Variants in SAR1A observed in about 807,000 individuals in gnomAD.
The protein encoded by SAR1A is secretion associated Ras related GTPase 1A.
In SAR1A, 6 loss-of-function variants were observed where a neutral mutation model predicts 22.6. The ratio of observed to expected loss-of-function variants is 0.27; its 90% confidence interval spans 0.15 to 0.52. SAR1A has a LOEUF of 0.52. Among genes scored for constraint, SAR1A ranks in the 20% least tolerant of loss-of-function variants. The probability of loss-of-function intolerance (pLI) is 0.96; values close to 1 mark genes in which losing one functional copy is unlikely to be tolerated. For missense variants in SAR1A, 145 were observed against 245.1 expected, an observed-to-expected ratio of 0.59 and a Z score of 2.73; for synonymous variants, 70 against 82.2, an observed-to-expected ratio of 0.85 and a Z score of 0.80.
intron 1 of SAR1A, among the ~76,000 whole-genome samples, chr10:70,165,041 G>A (rs568838194): frequency 3.4e-4 from 52 of 152,054 alleles, no homozygotes; most frequent in Middle Eastern, 3.4e-3. Flanking sequence ...CGAGGCGGGC[G>A]GATCACGAGG....
rs201501880 is a variant in SAR1A at position 70,152,464 on chromosome 10, A to G, written c.*12T>C. On this transcript the variant is annotated 3_prime_UTR_variant, in exon 7 of 7. Transcript: ENST00000373241. ...AGAGAAGTAAAACTCTTTTATTTTC[A>G]CCGTCCAAACATCAGTCAATATACT... The G allele has an allele frequency of 5.1e-5, 80 of 1,582,244 alleles. No homozygotes were observed. The highest frequency in any genetic ancestry group is 3.3e-4 in the Middle Eastern group (2 of 6,028).
chr10:70,166,205 T>C (rs1425546428), intron 1 of SAR1A, among the ~76,000 whole-genome samples: 1 of 152,248 alleles, frequency 6.6e-6, no homozygotes, highest in Non-Finnish European at 1.5e-5. Flanking sequence ...CTTGTTTTAT[T>C]TCAGTAGTCT....
intron 4 of SAR1A, 64 bp from the exon 5 acceptor site, chr10:70,157,931 T>C (rs2136713267): frequency 9.1e-7 from 1 of 1,104,398 alleles, no homozygotes; most frequent in Non-Finnish European, 1.4e-6. Flanking sequence ...AATAACCTAA[T>C]GGTCTATAAA....
rs1564567393 is a variant in SAR1A at position 70,148,872 on chromosome 10, C to T, written c.*3604G>A. 1 of 152,558 alleles carries T rather than the reference C, an allele frequency of 6.6e-6. No individual in the cohort carries two copies. The highest frequency in any genetic ancestry group is 2.4e-5 in the African/African-American group (1 of 41,458). 9.5% of individuals were successfully genotyped at this position (152,558 alleles called of 1,614,324 possible). On this transcript the variant is annotated 3_prime_UTR_variant, in exon 7 of 7. Coordinates refer to ENST00000373241, the MANE Select transcript of SAR1A (RefSeq NM_020150.5). ...TCAACGCTCAAGACTCCAGCATGAACTGTTAGGCATTGGGTTTTTCTGTGT... is the reference window on the plus strand; with the variant it reads ...TCAACGCTCAAGACTCCAGCATGAATTGTTAGGCATTGGGTTTTTCTGTGT...
chr10:70,166,034 G>A (rs903395595), intron 1 of SAR1A, among the ~76,000 whole-genome samples: 2 of 152,212 alleles, frequency 1.3e-5, no homozygotes, highest in Admixed American at 1.3e-4. Flanking sequence ...AGAAGGCTCC[G>A]ATGCTTGTTA....
chr10:70,154,016 G>A, intron 5 of SAR1A, 47 bp from the exon 6 acceptor site: 1 of 1,439,318 alleles, frequency 6.9e-7, no homozygotes. Flanking sequence ...AATTAAGTGA[G>A]GAATCTACAA....
Position 70,151,240 on chromosome 10 carries a change from G to A in SAR1A, c.*1236C>T, listed in dbSNP as rs772547335. On this transcript the variant is annotated 3_prime_UTR_variant, in exon 7 of 7. Transcript: ENST00000373241. ...GTTTCCCTAGCTTATTTCTGCAATG[G>A]AGAAAGACAATTTCATACCAAAAAA... 1.6e-5 allele frequency: 1 copy of A among 61,448 alleles called. No homozygotes were observed. The highest frequency in any genetic ancestry group is 3.0e-5 in the Non-Finnish European group (1 of 32,984). 3.8% of individuals were successfully genotyped at this position (61,448 alleles called of 1,614,324 possible).
Position 70,151,849 on chromosome 10 carries a change from G to C in SAR1A, c.*627C>G, listed in dbSNP as rs1233641897. 1.3e-5 allele frequency: 2 copies of C among 153,342 alleles called. No individual in the cohort carries two copies. The highest frequency in any genetic ancestry group is 2.9e-5 in the Non-Finnish European group (2 of 68,876). The allele number at this position is 153,342 out of a possible 1,614,324, so 9.5% of individuals were successfully genotyped here. A position where few individuals can be genotyped will look rare whatever the true frequency, so the allele number is the denominator to read the frequency against. On this transcript the variant is annotated 3_prime_UTR_variant, in exon 7 of 7. Coordinates refer to ENST00000373241, the MANE Select transcript of SAR1A (RefSeq NM_020150.5). Reference sequence around the variant, plus strand: ...AAACCTGCCACAACTGCAAGGCCGGGGTTCTGCCCCTTTTCTAGTTCTCTG... The same window carrying C: ...AAACCTGCCACAACTGCAAGGCCGGCGTTCTGCCCCTTTTCTAGTTCTCTG...
chr10:70,166,852 TAGTC>T (rs1347298059), intron 1 of SAR1A: 1 of 150,484 alleles, frequency 6.6e-6, no homozygotes, highest in African/African-American at 2.5e-5. Flanking sequence ...AAATTAAAAT[TAGTC>T]AGGCATGGTG....
chr10:70,157,058 G>C (rs933375415), intron 5 of SAR1A, among the ~76,000 whole-genome samples: 18 of 152,178 alleles, frequency 1.2e-4, no homozygotes, highest in African/African-American at 4.3e-4. Flanking sequence ...AAAATGTAAA[G>C]AACTCTAATA....
intron 1 of SAR1A, among the ~76,000 whole-genome samples, chr10:70,167,018 A>C (rs1839563442): frequency 6.6e-6 from 1 of 152,004 alleles, no homozygotes; most frequent in Non-Finnish European, 1.5e-5. Flanking sequence ...AAAAAGCAAA[A>C]AAAGAATACT....
intron 5 of SAR1A, among the ~76,000 whole-genome samples, chr10:70,157,401 CAAAAAAAAAAA>C (rs55801259): frequency 0.45 from 59,756 of 131,726 alleles, 12,979 homozygotes; most frequent in African/African-American, 0.5. Context: ...AAGACTCCGT[CAAAAAAAAAAA>C]AAAAAAAAAA....
At chr10:70,159,139 T>C (rs1839432123) in intron 4 of SAR1A, among the ~76,000 whole-genome samples, 1 of 152,064 alleles carries the variant, frequency 6.6e-6, no homozygotes, top group Non-Finnish European at 1.5e-5. Flanking sequence ...ACAAGCTCCT[T>C]ACAGAAAAAA....
Position 70,148,648 on chromosome 10 carries a change from G to A in SAR1A, c.*3828C>T, listed in dbSNP as rs1157764273. On this transcript the variant is annotated 3_prime_UTR_variant, in exon 7 of 7. Coordinates refer to ENST00000373241, the MANE Select transcript of SAR1A (RefSeq NM_020150.5). Reference sequence around the variant, plus strand: ...TACAAAAATTTTGAAAACTAGCTGAGCACGGTGGTGCAACCCTGTGGTCCC... The same window carrying A: ...TACAAAAATTTTGAAAACTAGCTGAACACGGTGGTGCAACCCTGTGGTCCC... The A allele has an allele frequency of 6.6e-6, 1 of 152,074 alleles. No individual in the cohort carries two copies. Among genetic ancestry groups the A allele is most frequent in the Non-Finnish European group, 1.5e-5 (1 of 68,076 alleles). The allele number at this position is 152,074 out of a possible 1,614,324, so 9.4% of individuals were successfully genotyped here.
At chr10:70,164,097 T>C in intron 1 of SAR1A, 1 of 752,176 alleles carries the variant, frequency 1.3e-6, no homozygotes, top group East Asian at 2.5e-5. Flanking sequence ...TCAAGTAAAC[T>C]ATGAGTTTGT....
intron 1 of SAR1A, chr10:70,163,731 T>A: frequency 1.1e-6 from 1 of 885,682 alleles, no homozygotes; most frequent in South Asian, 1.3e-5. Context: ...TTCAAAGAAG[T>A]TTTTTCACTA....
intron 5 of SAR1A, among the ~76,000 whole-genome samples, chr10:70,156,587 G>A (rs1589874666): frequency 1.3e-5 from 2 of 151,384 alleles, no homozygotes; most frequent in South Asian, 4.2e-4. Flanking sequence ...CAGGAATATC[G>A]CTTGAGCCCA....
chr10:70,168,604 A>G (rs1839583451), intron 1 of SAR1A, among the ~76,000 whole-genome samples: 2 of 152,210 alleles, frequency 1.3e-5, no homozygotes, highest in Non-Finnish European at 2.9e-5. Context: ...AAAAAAAAGA[A>G]AGAAAGAAAA....
chr10:70,161,255 G>A, intron 3 of SAR1A, 186 bp from the exon 4 acceptor site: 1 of 566,288 alleles, frequency 1.8e-6, no homozygotes, highest in East Asian at 3.0e-5. Flanking sequence ...TCTGAGCCCA[G>A]GATTTTTGAG....
Sources: allele counts gnomAD v4.1 joint callset (sites outside exome capture counted in the v4.1 genomes callset), GRCh38; gene constraint gnomAD v4.1.1; transcripts MANE v1.5; gene names NCBI Gene and HGNC (gene_info 2026-07-23, HGNC 2026-07-21).